RFPL1: variants seen among roughly 807,000 people sequenced by gnomAD.
RFPL1 encodes ret finger protein like 1.
Under a neutral mutation model 9.6 loss-of-function variants are expected in RFPL1, and 6 were observed. That is an observed-to-expected ratio of 0.62 (90% CI 0.34 to 1.23). RFPL1 has a LOEUF of 1.23. Ranked by LOEUF, RFPL1 falls within the 50% of genes most tolerant of loss-of-function variation. RFPL1 has a pLI of 0.03. For synonymous variants in RFPL1, 145 were observed against 149.4 expected (o/e 0.97, Z 0.22); for missense variants, 352 against 398.4 (o/e 0.88, Z 0.99).
the RFPL1 span, among the ~76,000 whole-genome samples, chr22:29,428,062 T>C: frequency 6.6e-6 from 1 of 152,208 alleles, no homozygotes; most frequent in Non-Finnish European, 1.5e-5. Flanking sequence ...CTATTAAATG[T>C]TTCTAAGAAA....
the RFPL1 span, among the ~76,000 whole-genome samples, chr22:29,415,452 G>C: frequency 1.3e-5 from 2 of 152,198 alleles, no homozygotes; most frequent in East Asian, 3.8e-4. Flanking sequence ...CTCTGACGAG[G>C]CATTGCACCG....
the RFPL1 span, among the ~76,000 whole-genome samples, chr22:29,412,412 G>A: frequency 4.6e-5 from 7 of 152,242 alleles, no homozygotes; most frequent in South Asian, 4.2e-4. Context: ...TAGCAGGGGA[G>A]GTGGGGAGGG....
the RFPL1 span, among the ~76,000 whole-genome samples, chr22:29,416,339 T>C: frequency 1.3e-5 from 2 of 150,058 alleles, no homozygotes; most frequent in Admixed American, 6.6e-5. Context: ...CTTTCCTGCA[T>C]CACTGCTGCA....
the RFPL1 span, among the ~76,000 whole-genome samples, chr22:29,396,748 G>C: frequency 6.6e-6 from 1 of 152,066 alleles, no homozygotes; most frequent in Admixed American, 6.5e-5. Flanking sequence ...CAAAGTGCTG[G>C]GACTACAGGC....
At chr22:29,404,773 C>T in the RFPL1 span, among the ~76,000 whole-genome samples, 94 of 152,330 alleles carry the variant, frequency 6.2e-4, no homozygotes, top group Admixed American at 1.4e-3. Flanking sequence ...GTCACCCAGG[C>T]TGGAGTGCAG....
the RFPL1 span, among the ~76,000 whole-genome samples, chr22:29,431,772 A>T: frequency 6.6e-6 from 1 of 151,106 alleles, no homozygotes; most frequent in African/African-American, 2.4e-5. Flanking sequence ...TGCAACCTCC[A>T]TCTCCCGGAG....
chr22:29,393,008 TCA>T, the RFPL1 span, among the ~76,000 whole-genome samples: 2 of 152,208 alleles, frequency 1.3e-5, no homozygotes, highest in African/African-American at 4.8e-5. Flanking sequence ...CCTTGGGGGC[TCA>T]CTGTTGAGTA....
At chr22:29,394,721 G>T in the RFPL1 span, among the ~76,000 whole-genome samples, 1 of 152,188 alleles carries the variant, frequency 6.6e-6, no homozygotes, top group African/African-American at 2.4e-5. Flanking sequence ...GTATGCCCTT[G>T]ACATCCATCA....
At chr22:29,410,268 A>C in the RFPL1 span, among the ~76,000 whole-genome samples, 1 of 129,094 alleles carries the variant, frequency 7.7e-6, no homozygotes, top group South Asian at 2.5e-4. Flanking sequence ...AGATATATAT[A>C]TCTATATATA....
At chr22:29,420,641 T>TTG in the RFPL1 span, among the ~76,000 whole-genome samples, 1 of 131,576 alleles carries the variant, frequency 7.6e-6, no homozygotes, top group African/African-American at 2.8e-5. Context: ...TTGCTTTTTT[T>TTG]TTTTTTTTTT....
At chr22:29,411,479 C>T in the RFPL1 span, among the ~76,000 whole-genome samples, 1 of 85,838 alleles carries the variant, frequency 1.2e-5, no homozygotes, top group East Asian at 6.7e-4. Context: ...CTATTGTGAA[C>T]TCTTTCTGCC....
chr22:29,441,444 G>T, intron 1 of RFPL1, 98 bp from the exon 2 acceptor site: 1 of 1,409,586 alleles, frequency 7.1e-7, no homozygotes, highest in Non-Finnish European at 9.6e-7. Context: ...GAGAATTAAA[G>T]AAACCAAAGT....
At chr22:29,425,500 C>G in the RFPL1 span, among the ~76,000 whole-genome samples, 2 of 152,158 alleles carry the variant, frequency 1.3e-5, no homozygotes, top group Non-Finnish European at 2.9e-5. Flanking sequence ...AGGAAGATAC[C>G]TGCAGATGGA....
At chr22:29,439,203 G>A (rs1160572038) in intron 1 of RFPL1, 39 bp downstream of exon 1, 2 of 1,581,026 alleles carry the variant, frequency 1.3e-6, no homozygotes, top group South Asian at 2.3e-5. Context: ...CCTACGACCA[G>A]ACCAGGAAAA....
the RFPL1 span, among the ~76,000 whole-genome samples, chr22:29,431,705 A>G: frequency 7.1e-6 from 1 of 140,768 alleles, no homozygotes; most frequent in South Asian, 2.3e-4. Flanking sequence ...TTTTTTTTTG[A>G]GATAGAGTCT....
chr22:29,416,822 C>G, the RFPL1 span, among the ~76,000 whole-genome samples: 2 of 152,180 alleles, frequency 1.3e-5, no homozygotes, highest in Non-Finnish European at 2.9e-5. Flanking sequence ...TCATAAATGT[C>G]AAATAACCTG....
chr22:29,420,076 T>A, the RFPL1 span, among the ~76,000 whole-genome samples: 6 of 152,200 alleles, frequency 3.9e-5, no homozygotes, highest in Non-Finnish European at 8.8e-5. Flanking sequence ...GATTCCCACA[T>A]GGAGGCCTTT....
At chr22:29,389,660 TG>T in the RFPL1 span, among the ~76,000 whole-genome samples, 2 of 131,976 alleles carry the variant, frequency 1.5e-5, no homozygotes, top group East Asian at 4.4e-4. Flanking sequence ...CACTCCAGCC[TG>T]GGCGACAGAG....
At chr22:29,434,794 C>G (rs1466638483), upstream of RFPL1, 1 of 152,410 alleles carries the variant, frequency 6.6e-6, no homozygotes, top group Non-Finnish European at 1.5e-5. Context: ...GCAGGGTAGG[C>G]ATTTTCCTGG....
Sources: allele counts gnomAD v4.1 joint callset (sites outside exome capture counted in the v4.1 genomes callset), GRCh38; gene constraint gnomAD v4.1.1; transcripts MANE v1.5; gene names NCBI Gene and HGNC (gene_info 2026-07-23, HGNC 2026-07-21).